Variants in FYB1 observed in about 807,000 individuals in gnomAD.
FYB1 encodes FYN-binding protein 1.
Under a neutral mutation model 94.1 loss-of-function variants are expected in FYB1, and 41 were observed. That is an observed-to-expected ratio of 0.44 (90% CI 0.34 to 0.57). The LOEUF (loss-of-function observed/expected upper bound fraction) is 0.57. Among genes scored for constraint, FYB1 ranks in the 20% least tolerant of loss-of-function variants. The probability of loss-of-function intolerance (pLI) is 0.02; values close to 1 mark genes in which losing one functional copy is unlikely to be tolerated. For missense variants in FYB1, 1,050 were observed against 976.8 expected, an observed-to-expected ratio of 1.07 and a Z score of -1.00; for synonymous variants, 367 against 353.2, an observed-to-expected ratio of 1.04 and a Z score of -0.44.
At chr5:39,159,459 T>C (rs887569311) in intron 2 of FYB1, among the ~76,000 whole-genome samples, 4 of 152,174 alleles carry the variant, frequency 2.6e-5, no homozygotes, top group Non-Finnish European at 4.4e-5. Context: ...CATTTGCATC[T>C]AAAGTAAACA....
chr5:39,122,872 C>T (rs1444740592), intron 13 of FYB1, among the ~76,000 whole-genome samples: 2 of 152,124 alleles, frequency 1.3e-5, no homozygotes, highest in African/African-American at 4.8e-5. Context: ...CCTCATTGAT[C>T]TGTTTCCCGT....
intron 2 of FYB1, among the ~76,000 whole-genome samples, chr5:39,193,757 C>T (rs1747576695): frequency 1.3e-5 from 2 of 152,154 alleles, no homozygotes; most frequent in African/African-American, 4.8e-5. Context: ...CCAGGGCTGG[C>T]CCTGCCCTGG....
At chr5:39,242,975 T>G (rs757104630) in intron 1 of FYB1, among the ~76,000 whole-genome samples, 1 of 152,204 alleles carries the variant, frequency 6.6e-6, no homozygotes, top group African/African-American at 2.4e-5. Flanking sequence ...TTGCCCACTT[T>G]TTGATGGGGT....
At chr5:39,116,199 T>G (rs1739552789) in intron 16 of FYB1, among the ~76,000 whole-genome samples, 1 of 152,224 alleles carries the variant, frequency 6.6e-6, no homozygotes, top group South Asian at 2.1e-4. Flanking sequence ...CTGGCATTTT[T>G]GCAGAATCAC....
chr5:39,235,694 C>T (rs1354030214), intron 1 of FYB1, among the ~76,000 whole-genome samples: 1 of 151,570 alleles, frequency 6.6e-6, no homozygotes, highest in African/African-American at 2.4e-5. Context: ...AGGTGTTGTA[C>T]TGAGTGAATA....
chr5:39,110,499 T>C, intron 16 of FYB1, 110 bp from the exon 17 acceptor site: 2 of 624,128 alleles, frequency 3.2e-6, no homozygotes, highest in Non-Finnish European at 5.5e-6. Flanking sequence ...TATTGAATAA[T>C]TGTATCTATC....
intron 2 of FYB1, among the ~76,000 whole-genome samples, chr5:39,185,202 T>G (rs187110414): frequency 3.3e-4 from 51 of 152,286 alleles, no homozygotes; most frequent in African/African-American, 1.1e-3. Flanking sequence ...AATAATTAAC[T>G]TCTTTAGGAT....
intron 14 of FYB1, among the ~76,000 whole-genome samples, chr5:39,120,020 CT>C (rs1238438427): frequency 4.6e-5 from 7 of 151,958 alleles, no homozygotes; most frequent in African/African-American, 1.7e-4. Context: ...ATAAGAAAGG[CT>C]TTTTAAAAAA....
At chr5:39,127,095 C>G (rs1459980442) in intron 11 of FYB1, among the ~76,000 whole-genome samples, 2 of 135,066 alleles carry the variant, frequency 1.5e-5, no homozygotes, top group African/African-American at 5.4e-5. Context: ...AAATCTTAAA[C>G]TTTTAAATAT....
At chr5:39,253,517 A>C (rs997651890) in intron 1 of FYB1, among the ~76,000 whole-genome samples, 1 of 152,186 alleles carries the variant, frequency 6.6e-6, no homozygotes, top group Admixed American at 6.5e-5. Context: ...GGATTGTTAC[A>C]TAGGTAAATG....
intron 1 of FYB1, among the ~76,000 whole-genome samples, chr5:39,231,970 G>T (rs1041738965): frequency 6.6e-6 from 1 of 152,034 alleles, no homozygotes; most frequent in Non-Finnish European, 1.5e-5. Flanking sequence ...AAAGTGACTG[G>T]AAGCATGTTT....
chr5:39,224,784 G>A (rs754624248), intron 1 of FYB1, among the ~76,000 whole-genome samples: 40 of 152,164 alleles, frequency 2.6e-4, no homozygotes, highest in Non-Finnish European at 5.3e-4. Flanking sequence ...TGTGTAAAAA[G>A]TGGCTTTTCT....
intron 1 of FYB1, among the ~76,000 whole-genome samples, chr5:39,259,240 A>C (rs541016913): frequency 1.7e-4 from 26 of 152,246 alleles, no homozygotes; most frequent in Middle Eastern, 3.2e-3. Context: ...GCTGGTAGAG[A>C]CCAGAGATGC....
chr5:39,176,213 C>T lies in FYB1; in HGVS notation c.1136-22609G>A, dbSNP rs376374274. On this transcript the variant is annotated intron_variant, in intron 2 of 18. Coordinates refer to ENST00000512982, the MANE Select transcript of FYB1 (RefSeq NM_001465.6). Reference sequence around the variant, plus strand: ...TCGCCCAGACTGGAGTGCAATGGCGCGATCTTGGCTTACTGCAACCCCCAC... The same window carrying T: ...TCGCCCAGACTGGAGTGCAATGGCGTGATCTTGGCTTACTGCAACCCCCAC... 8.4e-5 allele frequency among the ~76,000 whole-genome samples: 11 copies of T among 130,880 alleles called. No individual in the cohort carries two copies. The East Asian group carries it at 8.9e-4, about 11-fold the overall frequency. 85.9% of individuals were successfully genotyped at this position (130,880 alleles called of 152,430 possible).
At chr5:39,205,484 C>T (rs545860233) in intron 1 of FYB1, among the ~76,000 whole-genome samples, 2 of 152,252 alleles carry the variant, frequency 1.3e-5, no homozygotes, top group African/African-American at 2.4e-5. Flanking sequence ...AAATGTTAGT[C>T]ATTCTGTAGT....
At chr5:39,244,100 G>C (rs929292399) in intron 1 of FYB1, among the ~76,000 whole-genome samples, 1 of 152,102 alleles carries the variant, frequency 6.6e-6, no homozygotes, top group Non-Finnish European at 1.5e-5. Context: ...GGGACAATTT[G>C]AGTTCCTCTT....
At chr5:39,126,788 G>T (rs1169159441) in intron 11 of FYB1, among the ~76,000 whole-genome samples, 5 of 150,022 alleles carry the variant, frequency 3.3e-5, no homozygotes, top group African/African-American at 1.2e-4. Flanking sequence ...GCCAGGCACA[G>T]TGGCTCACGC....
chr5:39,160,937 C>G (rs1744188769), intron 2 of FYB1, among the ~76,000 whole-genome samples: 1 of 152,146 alleles, frequency 6.6e-6, no homozygotes, highest in Non-Finnish European at 1.5e-5. Flanking sequence ...CTCGAAATGA[C>G]ATGCTAATTG....
intron 2 of FYB1, among the ~76,000 whole-genome samples, chr5:39,174,834 T>A (rs563327496): frequency 6.6e-6 from 1 of 152,330 alleles, no homozygotes; most frequent in African/African-American, 2.4e-5. Flanking sequence ...AGGTACATGT[T>A]ACTCTCTAAG....
Sources: gnomAD v4.1 joint callset for allele counts (sites outside exome capture counted in the v4.1 genomes callset) on GRCh38, gnomAD v4.1.1 for gene constraint, MANE v1.5 for transcripts, NCBI Gene and HGNC (gene_info 2026-07-23, HGNC 2026-07-21) for gene names.